The following SELP variants were observed in gnomAD, a reference collection of about 807,000 sequenced individuals.
SELP encodes the protein selectin P.
A neutral mutation model predicts 104.1 loss-of-function variants in SELP; 92 were observed. The observed-to-expected ratio is 0.88, with a 90% confidence interval of 0.75 to 1.05. The LOEUF is 1.05. Ranked by LOEUF, SELP falls within the 50% of genes least tolerant of loss-of-function variation. The pLI is 0.00. For synonymous variants in SELP, 397 were observed against 364.5 expected (o/e 1.09, Z -1.01); for missense variants, 1,022 against 1,017.3 (o/e 1.00, Z -0.06).
Position 169,619,085 on chromosome 1 carries a change from C to A in SELP, c.94+44G>T, listed in dbSNP as rs771947301. 28 of 1,458,712 alleles carry A rather than the reference C, an allele frequency of 1.9e-5. 1 individual carries two copies. The highest frequency in any genetic ancestry group is 2.6e-5 in the Non-Finnish European group (27 of 1,040,514). The allele number at this position is 1,458,712 out of a possible 1,614,324, so 90.4% of individuals were successfully genotyped here. ...TTCTCACACATAGATCTGGGCTCTA[C>A]CCTAATTACTTAGGCCTAAGTGAAA... On this transcript the variant is annotated intron_variant, in intron 2 of 16. Coordinates refer to ENST00000263686, the MANE Select transcript of SELP (RefSeq NM_003005.4).
At chr1:169,597,851 C>T (rs991403668) in intron 10 of SELP, among the ~76,000 whole-genome samples, 9 of 152,128 alleles carry the variant, frequency 5.9e-5, no homozygotes, top group Admixed American at 3.3e-4. Context: ...ACTTTTATGG[C>T]GTAAAATCCC....
chr1:169,612,300 T>C lies in SELP; in HGVS notation c.878A>G (p.Glu293Gly). 1 of 1,614,108 alleles carries C rather than the reference T, an allele frequency of 6.2e-7. No individual in the cohort carries two copies. The highest frequency in any genetic ancestry group is 1.1e-5 in the South Asian group (1 of 91,082). ...CGGTCCAACTAATGCAAATCCCTCT[T>C]CACAACTGAAGCTGCAGCTAGACTG... is the stretch of plus-strand genomic sequence containing the variant. ...QHQSSCSFSC[E>G]EGFALVGPEV... is the part of the protein sequence containing the mutation. Residue 293 changes from glutamate (E) to glycine (G), a missense_variant, in exon 6 of 17, where the codon GAA becomes GGA. Transcript: ENST00000263686.
At chr1:169,628,991 T>C (rs1026817736) in intron 1 of SELP, among the ~76,000 whole-genome samples, 6 of 152,198 alleles carry the variant, frequency 3.9e-5, no homozygotes, top group Non-Finnish European at 5.9e-5. Flanking sequence ...GAATCAGGTG[T>C]ATGCGGTACT....
intron 1 of SELP, among the ~76,000 whole-genome samples, chr1:169,622,348 A>G (rs1013994693): frequency 6.6e-6 from 1 of 152,258 alleles, no homozygotes. Context: ...TGGGGCATAT[A>G]ACTTGGAAGG....
chr1:169,608,939 A>G (rs1229443864), intron 8 of SELP, among the ~76,000 whole-genome samples: 4 of 152,148 alleles, frequency 2.6e-5, no homozygotes, highest in East Asian at 1.9e-4. Flanking sequence ...TAACATATTG[A>G]AAGAGGATCA....
Position 169,589,329 on chromosome 1 carries a change from A to T in SELP, c.*134T>A, listed in dbSNP as rs1354995409. On this transcript the variant is annotated 3_prime_UTR_variant, in exon 17 of 17. Coordinates refer to ENST00000263686, the MANE Select transcript of SELP (RefSeq NM_003005.4). ...AAGAGGTGGGACAGGAAGGGGTGGT[A>T]GGTTGAGAATTTGAGATTGTACCAC... 1 of 152,246 alleles carries T rather than the reference A, an allele frequency of 6.6e-6. No individual in the cohort carries two copies. The highest frequency in any genetic ancestry group is 1.5e-5 in the Non-Finnish European group (1 of 68,108). 9.4% of individuals were successfully genotyped at this position (152,246 alleles called of 1,614,324 possible). A position where few individuals can be genotyped will look rare whatever the true frequency, so the allele number is the denominator to read the frequency against.
chr1:169,589,046 C>T lies in SELP; in HGVS notation c.*417G>A, dbSNP rs556864491. ...GTCCAAGAGGCCTCATCAACAGCAA[C>T]CACTGGAGACTCCAGAAGATGCTAC... On this transcript the variant is annotated 3_prime_UTR_variant, in exon 17 of 17. Coordinates refer to ENST00000263686, the MANE Select transcript of SELP (RefSeq NM_003005.4). 7.9e-5 allele frequency: 12 copies of T among 152,134 alleles called. No homozygotes were observed. Among genetic ancestry groups the T allele is most frequent in the Admixed American group, 4.6e-4 (7 of 15,270 alleles). 9.4% of individuals were successfully genotyped at this position (152,134 alleles called of 1,614,324 possible).
At position 169,597,032 on chromosome 1, in the gene SELP, G is replaced by T. The variant is rs1661657989; in HGVS notation, c.1850C>A (p.Thr617Lys). 1 of 1,613,192 alleles carries T rather than the reference G, an allele frequency of 6.2e-7. No individual in the cohort carries two copies. The highest frequency in any genetic ancestry group is 8.5e-7 in the Non-Finnish European group (1 of 1,179,514). The change falls in exon 11 of 17, where the codon ACA (threonine) becomes AAA (lysine). Residue 617 changes from threonine (T) to lysine (K), a missense_variant. Thr to Lys is a moderately conservative substitution (Grantham distance 78). Coordinates refer to ENST00000263686, the MANE Select transcript of SELP (RefSeq NM_003005.4). The part of the protein sequence containing the change: ...KLEGPNNVEC[T>K]TSGRWSATPP... ...AGTAGCTGACCATCTTCCAGAAGTT[G>T]TGCATTCCACATTATTGGGCCCCTC...
chr1:169,601,213 T>A (rs1287339100), intron 10 of SELP, among the ~76,000 whole-genome samples: 1 of 152,244 alleles, frequency 6.6e-6, no homozygotes, highest in Non-Finnish European at 1.5e-5. Flanking sequence ...GCCCAAATGC[T>A]TTCCTCCATA....
rs760815474 is a variant in SELP, at chr1:169,596,042, A to G, written c.1984T>C (p.Phe662Leu). 4 of 1,613,964 alleles carry G rather than the reference A, an allele frequency of 2.5e-6. No homozygotes were observed. The highest frequency in any genetic ancestry group is 2.5e-6 in the Non-Finnish European group (3 of 1,179,842). ...TMYCRHHPGT[F>L]GFNTTCYFGC... Reference sequence around the variant, plus strand: ...AAGTAACAAGTGGTATTAAAACCAAAGGTTCCCGGATGATGCCTACAGTAC... The same window carrying G: ...AAGTAACAAGTGGTATTAAAACCAAGGGTTCCCGGATGATGCCTACAGTAC... Residue 662 changes from phenylalanine to leucine, a missense_variant, in exon 12 of 17, where the codon TTT becomes CTT. Coordinates refer to ENST00000263686, the MANE Select transcript of SELP (RefSeq NM_003005.4).
Position 169,610,820 on chromosome 1 carries a change from A to T in SELP, c.1147+672T>A, listed in dbSNP as rs1662489818. Among the ~76,000 whole-genome samples the T allele has an allele frequency of 4.0e-5, 6 of 150,730 alleles. No homozygotes were observed. In the South Asian group the frequency reaches 1.3e-3, roughly 32 times the overall value. On this transcript the variant is annotated intron_variant, in intron 7 of 16. Transcript: ENST00000263686. ...CAAACAAACAAACAAACAAACAAAA[A>T]CACCAAAATCCTCTAGTGTTTCTCT...
rs6130 is a variant in SELP, at chr1:169,606,969, G to T, written c.1499C>A (p.Ser500Tyr). ...CTTACCTTGGCATTCTGGAGGAACA[G>T]AATTCCAGTTTCCAGTAGCCAAGCA... ...LQCLATGNWN[S>Y]VPPECQAIPC... The change falls in exon 9 of 17, where the codon TCT (serine) becomes TAT (tyrosine). Residue 500 changes from serine to tyrosine, a missense_variant. Coordinates refer to ENST00000263686, the MANE Select transcript of SELP (RefSeq NM_003005.4). 2 of 1,613,326 alleles carry T rather than the reference G, an allele frequency of 1.2e-6. No homozygotes were observed. Among genetic ancestry groups the T allele is most frequent in the Non-Finnish European group, 1.7e-6 (2 of 1,179,648 alleles).
intron 1 of SELP, among the ~76,000 whole-genome samples, chr1:169,628,706 A>G (rs1663493854): frequency 6.6e-6 from 1 of 152,252 alleles, no homozygotes; most frequent in African/African-American, 2.4e-5. Context: ...CTCTGATCCA[A>G]TAAGTTCATA....
chr1:169,623,720 C>A (rs1663244701), intron 1 of SELP, among the ~76,000 whole-genome samples: 1 of 152,174 alleles, frequency 6.6e-6, no homozygotes, highest in African/African-American at 2.4e-5. Flanking sequence ...AGATTCACCT[C>A]TTACAGGTTA....
At chr1:169,600,424 T>C (rs897894438) in intron 10 of SELP, among the ~76,000 whole-genome samples, 4 of 152,196 alleles carry the variant, frequency 2.6e-5, no homozygotes, top group African/African-American at 9.7e-5. Flanking sequence ...TATAAGTGAC[T>C]TGGGCATCTG....
chr1:169,611,782 G>C, intron 6 of SELP, 105 bp from the exon 7 acceptor site: 1 of 1,122,880 alleles, frequency 8.9e-7, no homozygotes, highest in South Asian at 1.5e-5. Context: ...GAGCTAGCAA[G>C]ATGTAAAGGT....
At chr1:169,592,876 C>G (rs543857104) in intron 14 of SELP, among the ~76,000 whole-genome samples, 1 of 152,156 alleles carries the variant, frequency 6.6e-6, no homozygotes. Flanking sequence ...CACTGAACTG[C>G]GAAACATACC....
At chr1:169,593,986 C>A (rs1661470654) in intron 13 of SELP, among the ~76,000 whole-genome samples, 2 of 151,666 alleles carry the variant, frequency 1.3e-5, no homozygotes, top group Non-Finnish European at 1.5e-5. Flanking sequence ...GGTGAGGACC[C>A]AATAAAAGAA....
At chr1:169,611,085 C>T (rs891912040) in intron 7 of SELP, among the ~76,000 whole-genome samples, 1 of 152,120 alleles carries the variant, frequency 6.6e-6, no homozygotes, top group Non-Finnish European at 1.5e-5. Flanking sequence ...TTGCATCACA[C>T]ACTTTTTCGA....
Sources: allele counts gnomAD v4.1 joint callset (sites outside exome capture counted in the v4.1 genomes callset), GRCh38; gene constraint gnomAD v4.1.1; transcripts MANE v1.5; gene names NCBI Gene and HGNC (gene_info 2026-07-23, HGNC 2026-07-21).